SLC45A4: variants seen among roughly 807,000 people sequenced by gnomAD.
SLC45A4 encodes the protein solute carrier family 45 member 4, also known as polyamine-transporter SLC45A4.
SLC45A4 carries 32 observed loss-of-function variants against 63.7 expected under a neutral mutation model. That is an observed-to-expected ratio of 0.50 (90% CI 0.38 to 0.67). SLC45A4 has a LOEUF of 0.67. SLC45A4 is among the 30% of genes least tolerant of loss of function. The pLI is 0.00. For synonymous variants in SLC45A4, 535 were observed against 510.0 expected, an observed-to-expected ratio of 1.05 and a Z score of -0.66; for missense variants, 1,027 against 1,157.7, an observed-to-expected ratio of 0.89 and a Z score of 1.64.
intron 1 of SLC45A4, among the ~76,000 whole-genome samples, chr8:141,301,643 G>A (rs937604409): frequency 6.7e-6 from 1 of 150,080 alleles, no homozygotes; most frequent in Non-Finnish European, 1.5e-5. Context: ...GTGGAGGTGG[G>A]AGGATCACTT....
chr8:141,288,598 C>T (rs952477646), intron 1 of SLC45A4, among the ~76,000 whole-genome samples: 6 of 152,256 alleles, frequency 3.9e-5, no homozygotes, highest in African/African-American at 1.4e-4. Flanking sequence ...CTACTTCACA[C>T]AGCCAGGGAC....
chr8:141,243,966 A>G (rs1448830093), intron 2 of SLC45A4, among the ~76,000 whole-genome samples: 6 of 152,172 alleles, frequency 3.9e-5, no homozygotes, highest in Non-Finnish European at 1.5e-5. Context: ...TCCAGTCAGG[A>G]AGCTGTTGGT....
intron 2 of SLC45A4, among the ~76,000 whole-genome samples, chr8:141,242,794 C>T (rs1827978631): frequency 6.6e-6 from 1 of 152,100 alleles, no homozygotes; most frequent in Admixed American, 6.6e-5. Flanking sequence ...GGAGGCCACA[C>T]GTTGGGGGAG....
At chr8:141,228,233 G>A (rs1366004679) in intron 2 of SLC45A4, 20 of 1,613,916 alleles carry the variant, frequency 1.2e-5, no homozygotes, top group South Asian at 2.2e-5. Context: ...GTCTTTGGAC[G>A]GGACAGCCCT....
At chr8:141,271,168 C>A (rs530614824) in intron 1 of SLC45A4, among the ~76,000 whole-genome samples, 1 of 152,352 alleles carries the variant, frequency 6.6e-6, no homozygotes, top group Non-Finnish European at 1.5e-5. Flanking sequence ...GCTAGGAAAT[C>A]CACTGGAAAC....
At chr8:141,230,639 C>T (rs986259484) in intron 2 of SLC45A4, among the ~76,000 whole-genome samples, 1 of 151,282 alleles carries the variant, frequency 6.6e-6, no homozygotes, top group Non-Finnish European at 1.5e-5. Flanking sequence ...GGCCTTGCTG[C>T]CCGAGCGCAC....
intron 1 of SLC45A4, among the ~76,000 whole-genome samples, chr8:141,261,439 G>C (rs562765716): frequency 2.0e-5 from 3 of 152,096 alleles, no homozygotes; most frequent in Non-Finnish European, 4.4e-5. Flanking sequence ...AATTGTCCCT[G>C]TTTGCAGATG....
intron 2 of SLC45A4, among the ~76,000 whole-genome samples, chr8:141,234,850 C>A (rs1827540291): frequency 6.6e-6 from 1 of 152,212 alleles, no homozygotes; most frequent in Non-Finnish European, 1.5e-5. Context: ...TCCAGCAGGA[C>A]TCGACCTCCT....
intron 1 of SLC45A4, among the ~76,000 whole-genome samples, chr8:141,284,940 T>C (rs1453537158): frequency 1.3e-5 from 2 of 152,070 alleles, no homozygotes; most frequent in African/African-American, 2.4e-5. Context: ...CACCGTGGCA[T>C]GCAGAGCCGC....
At chr8:141,297,548 A>G (rs1340518349) in intron 1 of SLC45A4, among the ~76,000 whole-genome samples, 1 of 152,122 alleles carries the variant, frequency 6.6e-6, no homozygotes, top group East Asian at 1.9e-4. Flanking sequence ...TTAATCAAAA[A>G]CCTATCTGAA....
intron 2 of SLC45A4, chr8:141,253,253 CTGTG>C (rs1013786534): frequency 1.2e-5 from 2 of 163,640 alleles, no homozygotes; most frequent in African/African-American, 4.9e-5. Flanking sequence ...TCATGCCCAC[CTGTG>C]TGTCTGTGAA....
rs866843378 is a variant in SLC45A4, at chr8:141,273,135, C to T, written c.-400-18506G>A. 3.9e-5 allele frequency among the ~76,000 whole-genome samples: 6 copies of T among 152,216 alleles called. 1 individual carries two copies. The highest frequency in any genetic ancestry group is 3.8e-4 in the East Asian group (2 of 5,200). ...ACTGCCCCCAAAAGAAAATATTCTCCGCGCCACTGAGCTTCTGTTAGAACA... is the reference window on the plus strand; with the variant it reads ...ACTGCCCCCAAAAGAAAATATTCTCTGCGCCACTGAGCTTCTGTTAGAACA... On this transcript the variant is annotated intron_variant, in intron 1 of 8. Coordinates refer to ENST00000517878, the MANE Select transcript of SLC45A4 (RefSeq NM_001286646.2).
At chr8:141,261,543 A>G (rs929562799) in intron 1 of SLC45A4, among the ~76,000 whole-genome samples, 80 of 152,334 alleles carry the variant, frequency 5.3e-4, no homozygotes, top group African/African-American at 1.8e-3. Flanking sequence ...TACAAAATCA[A>G]TGTAGAAAAA....
chr8:141,271,521 T>C (rs1290520926), intron 1 of SLC45A4, among the ~76,000 whole-genome samples: 1 of 152,172 alleles, frequency 6.6e-6, no homozygotes, highest in South Asian at 2.1e-4. Flanking sequence ...GCCAAGCCCC[T>C]ACCTCGAGAG....
At chr8:141,224,855 A>T (rs770661288) in intron 2 of SLC45A4, 2 of 152,136 alleles carry the variant, frequency 1.3e-5, no homozygotes, top group Non-Finnish European at 2.9e-5. Context: ...AGCATTCTTC[A>T]TTTCTTTTTT....
intron 1 of SLC45A4, among the ~76,000 whole-genome samples, chr8:141,293,926 C>A (rs1260799225): frequency 6.7e-6 from 1 of 149,022 alleles, no homozygotes; most frequent in African/African-American, 2.5e-5. Context: ...GAGCGAGACT[C>A]TATCTCAAGA....
intron 2 of SLC45A4, chr8:141,225,862 C>T: frequency 6.5e-6 from 1 of 153,090 alleles, no homozygotes; most frequent in Non-Finnish European, 1.5e-5. Flanking sequence ...CACCCGCCAG[C>T]CTCCTCCCCT....
chr8:141,266,672 A>G (rs560258089), intron 1 of SLC45A4, among the ~76,000 whole-genome samples: 5 of 152,368 alleles, frequency 3.3e-5, no homozygotes, highest in African/African-American at 1.2e-4. Context: ...ATATCTGATA[A>G]AAGACTGGCA....
At chr8:141,226,052 C>T (rs1445736389) in intron 2 of SLC45A4, 1 of 152,722 alleles carries the variant, frequency 6.5e-6, no homozygotes, top group Non-Finnish European at 1.5e-5. Context: ...CAGGTCAGCC[C>T]CTCAAACCAC....
Sources: allele counts gnomAD v4.1 joint callset (sites outside exome capture counted in the v4.1 genomes callset), GRCh38; gene constraint gnomAD v4.1.1; transcripts MANE v1.5; gene names NCBI Gene and HGNC (gene_info 2026-07-23, HGNC 2026-07-21).